ERBB4: variants seen among roughly 807,000 people sequenced by gnomAD.
ERBB4 encodes receptor tyrosine-protein kinase erbB-4.
In ERBB4, 42 loss-of-function variants were observed where a neutral mutation model predicts 158.0. The ratio of observed to expected loss-of-function variants is 0.27; its 90% CI spans 0.21 to 0.34. ERBB4 has a LOEUF of 0.34. Among genes scored for constraint, ERBB4 ranks in the 10% least tolerant of loss-of-function variants. ERBB4 has a pLI of 1.00. For missense variants in ERBB4, 1,333 were observed against 1,624.1 expected, an observed-to-expected ratio of 0.82 and a Z score of 3.08; for synonymous variants, 583 against 558.7, an observed-to-expected ratio of 1.04 and a Z score of -0.61.
chr2:212,110,224 A>C (rs1229415292), intron 2 of ERBB4, among the ~76,000 whole-genome samples: 1 of 152,230 alleles, frequency 6.6e-6, no homozygotes, highest in Non-Finnish European at 1.5e-5. Flanking sequence ...AGCTATTTGG[A>C]AAACACTGTG....
At chr2:212,160,711 G>T (rs1368779327) in intron 1 of ERBB4, among the ~76,000 whole-genome samples, 1 of 151,946 alleles carries the variant, frequency 6.6e-6, no homozygotes, top group East Asian at 1.9e-4. Context: ...TTTTTTTAGA[G>T]AATTTAACTC....
Position 212,286,767 on chromosome 2 carries a change from A to ATTT in ERBB4, c.83-161867_83-161865dup, listed in dbSNP as rs748586400. ...TAGGCGGGTGGCACCATGAGGGTTA[A>ATTT]TTTTTTTTTTTTTTTTTTTTTTTGT... On this transcript the variant is annotated intron_variant, in intron 1 of 27. Coordinates refer to ENST00000342788, the MANE Select transcript of ERBB4 (RefSeq NM_005235.3). Among the ~76,000 whole-genome samples the ATTT allele has an allele frequency of 6.1e-4, 24 of 39,552 alleles. 1 individual carries two copies. Among genetic ancestry groups the ATTT allele is most frequent in the African/African-American group, 1.2e-3 (11 of 9,008 alleles). 25.9% of individuals were successfully genotyped at this position (39,552 alleles called of 152,430 possible).
At chr2:211,928,075 A>C (rs73989230) in intron 3 of ERBB4, among the ~76,000 whole-genome samples, 5,000 of 152,122 alleles carry the variant, frequency 0.033, 277 homozygotes, top group African/African-American at 0.11. Context: ...TTCAGAAACA[A>C]CACCATTTAA....
At chr2:211,389,204 T>G (rs916903550) in intron 25 of ERBB4, among the ~76,000 whole-genome samples, 4 of 152,136 alleles carry the variant, frequency 2.6e-5, no homozygotes, top group African/African-American at 9.6e-5. Flanking sequence ...CCTGGATAAT[T>G]TTTTGTATTT....
intron 1 of ERBB4, among the ~76,000 whole-genome samples, chr2:212,489,709 GA>G (rs1396119573): frequency 2.0e-5 from 3 of 149,278 alleles, no homozygotes; most frequent in African/African-American, 5.0e-5. Flanking sequence ...GGAATTGAGG[GA>G]AAAAATATAT....
At chr2:212,267,310 A>C (rs1382368732) in intron 1 of ERBB4, among the ~76,000 whole-genome samples, 1 of 151,948 alleles carries the variant, frequency 6.6e-6, no homozygotes, top group East Asian at 1.9e-4. Context: ...ACCATTTTTC[A>C]AGTACAAATT....
chr2:211,887,942 T>C (rs1182553877), intron 3 of ERBB4, among the ~76,000 whole-genome samples: 1 of 152,208 alleles, frequency 6.6e-6, no homozygotes, highest in Non-Finnish European at 1.5e-5. Context: ...TTGTTTCCTC[T>C]CCATTCCCAG....
chr2:211,555,055 T>A (rs1038120670), intron 20 of ERBB4, among the ~76,000 whole-genome samples: 1 of 152,238 alleles, frequency 6.6e-6, no homozygotes, highest in African/African-American at 2.4e-5. Context: ...AGAAGGCATA[T>A]GGTATTATAT....
intron 16 of ERBB4, among the ~76,000 whole-genome samples, chr2:211,639,394 C>G (rs541177990): frequency 6.6e-6 from 1 of 152,190 alleles, no homozygotes; most frequent in East Asian, 1.9e-4. Context: ...ACATTAGGTA[C>G]CAAAATTGTT....
intron 2 of ERBB4, among the ~76,000 whole-genome samples, chr2:211,948,436 C>A (rs1170637840): frequency 2.0e-3 from 166 of 81,324 alleles, no homozygotes; most frequent in South Asian, 2.9e-3. Flanking sequence ...CTCTGTCTCA[C>A]AAAAAAAAAA....
chr2:212,334,351 A>G (rs886734077), intron 1 of ERBB4, among the ~76,000 whole-genome samples: 5 of 151,990 alleles, frequency 3.3e-5, no homozygotes, highest in African/African-American at 9.7e-5. Context: ...CATATTTGAA[A>G]TTTTGTTCAT....
intron 3 of ERBB4, among the ~76,000 whole-genome samples, chr2:211,919,417 A>G (rs1374640281): frequency 6.6e-6 from 1 of 152,106 alleles, no homozygotes; most frequent in African/African-American, 2.4e-5. Flanking sequence ...TCTTACAGGG[A>G]GAAATCCAAA....
intron 1 of ERBB4, among the ~76,000 whole-genome samples, chr2:212,245,902 G>T (rs1490513450): frequency 6.6e-6 from 1 of 152,096 alleles, no homozygotes; most frequent in Non-Finnish European, 1.5e-5. Flanking sequence ...AAAATTCAGG[G>T]ATAATGTATT....
chr2:211,597,725 C>G (rs1298231112), intron 19 of ERBB4, among the ~76,000 whole-genome samples: 1 of 152,026 alleles, frequency 6.6e-6, no homozygotes, highest in Non-Finnish European at 1.5e-5. Flanking sequence ...AAAGAGACAT[C>G]AAGTCACTAC....
chr2:211,770,426 C>T (rs903116979), intron 4 of ERBB4, among the ~76,000 whole-genome samples: 1 of 152,068 alleles, frequency 6.6e-6, no homozygotes, highest in Non-Finnish European at 1.5e-5. Context: ...GTTACTACTT[C>T]GAAGAAAAGT....
intron 1 of ERBB4, among the ~76,000 whole-genome samples, chr2:212,296,715 A>C (rs2086425999): frequency 6.6e-6 from 1 of 151,960 alleles, no homozygotes; most frequent in Admixed American, 6.6e-5. Flanking sequence ...GGAAATCCTC[A>C]GGAGAAGTTT....
chr2:211,776,655 A>C (rs914485427), intron 4 of ERBB4, among the ~76,000 whole-genome samples: 3 of 152,240 alleles, frequency 2.0e-5, no homozygotes, highest in African/African-American at 7.2e-5. Flanking sequence ...TGAAAATTAA[A>C]ATATGAGAAA....
intron 1 of ERBB4, among the ~76,000 whole-genome samples, chr2:212,174,936 C>A (rs2125678763): frequency 6.6e-6 from 1 of 152,126 alleles, no homozygotes; most frequent in Admixed American, 6.6e-5. Flanking sequence ...GCCATTCTAC[C>A]TAATTCATCC....
chr2:212,268,114 G>A (rs1253122037), intron 1 of ERBB4, among the ~76,000 whole-genome samples: 5 of 151,834 alleles, frequency 3.3e-5, no homozygotes, highest in Non-Finnish European at 7.4e-5. Flanking sequence ...AACCATAAAT[G>A]TTATCTCACA....
Sources: gnomAD v4.1 joint callset for allele counts (sites outside exome capture counted in the v4.1 genomes callset) on GRCh38, gnomAD v4.1.1 for gene constraint, MANE v1.5 for transcripts, NCBI Gene and HGNC (gene_info 2026-07-23, HGNC 2026-07-21) for gene names.